The following ST8SIA1 variants were observed in gnomAD, a reference collection of about 807,000 sequenced individuals.
The protein encoded by ST8SIA1 is alpha-N-acetylneuraminide alpha-2,8-sialyltransferase.
Under a neutral mutation model 35.9 loss-of-function variants are expected in ST8SIA1, and 16 were observed. That is an observed-to-expected ratio of 0.45 (90% CI 0.30 to 0.68). The LOEUF (loss-of-function observed/expected upper bound fraction) is 0.68. Among genes scored for constraint, ST8SIA1 ranks in the 30% least tolerant of loss-of-function variants. The pLI is 0.09. For synonymous variants in ST8SIA1, 170 were observed against 169.6 expected (o/e 1.00, Z -0.02); for missense variants, 383 against 453.6 (o/e 0.84, Z 1.41).
intron 4 of ST8SIA1, among the ~76,000 whole-genome samples, chr12:22,219,021 T>G (rs1865266590): frequency 6.6e-6 from 1 of 152,082 alleles, no homozygotes; most frequent in African/African-American, 2.4e-5. Flanking sequence ...ACCAAAATAT[T>G]ATAAAATGTA....
rs1331514437 is a variant in ST8SIA1, at chr12:22,332,881, C to G, written c.236+1116G>C. Among the ~76,000 whole-genome samples, 3 of 152,324 alleles carry G rather than the reference C, an allele frequency of 2.0e-5. No homozygotes were observed. The East Asian group carries it at 5.8e-4, about 29-fold the overall frequency. On this transcript the variant is annotated intron_variant, in intron 1 of 4. Coordinates refer to ENST00000396037, the MANE Select transcript of ST8SIA1 (RefSeq NM_003034.4). ...CCCTTGCACTGATTAGAAAGATCCTCTACAGAGCAGAGGAGATCATTTCCA... is the reference window on the plus strand; with the variant it reads ...CCCTTGCACTGATTAGAAAGATCCTGTACAGAGCAGAGGAGATCATTTCCA...
In ST8SIA1 at chr12:22,196,053, G is replaced by GA. The variant is rs934433914; in HGVS notation, c.*5498dup. ...TGATTATATCCCACAGCTTCAACAA[G>GA]AAAAAAATTACCTGAAAGAATTTTA... is the stretch of plus-strand genomic sequence containing the variant. On this transcript the variant is annotated 3_prime_UTR_variant, in exon 5 of 5. Transcript: ENST00000396037. 5.9e-5 allele frequency: 9 copies of GA among 151,944 alleles called. No individual in the cohort carries two copies. The East Asian group carries it at 1.4e-3, about 23-fold the overall frequency. The allele number at this position is 151,944 out of a possible 1,614,324, so 9.4% of individuals were successfully genotyped here.
intron 1 of ST8SIA1, among the ~76,000 whole-genome samples, chr12:22,298,600 A>C (rs943520456): frequency 6.6e-6 from 1 of 152,216 alleles, no homozygotes; most frequent in Non-Finnish European, 1.5e-5. Context: ...TGAGGAAGTA[A>C]GCTATTTATA....
intron 2 of ST8SIA1, among the ~76,000 whole-genome samples, chr12:22,281,370 T>A (rs1051264931): frequency 6.6e-6 from 1 of 152,150 alleles, no homozygotes; most frequent in African/African-American, 2.4e-5. Context: ...AGGCCAGGCT[T>A]AGGATCCAGA....
intron 4 of ST8SIA1, among the ~76,000 whole-genome samples, chr12:22,221,381 AAGAGGTTG>A (rs1229274770): frequency 6.6e-6 from 1 of 152,272 alleles, no homozygotes; most frequent in Admixed American, 6.5e-5. Context: ...TGTATGATTA[AAGAGGTTG>A]AGATGCAAAA....
At chr12:22,240,062 T>C (rs1295774907) in intron 4 of ST8SIA1, among the ~76,000 whole-genome samples, 1 of 152,180 alleles carries the variant, frequency 6.6e-6, no homozygotes, top group African/African-American at 2.4e-5. Context: ...ATATGTTTTA[T>C]CCAAGAACAA....
chr12:22,215,452 G>C (rs1865224566), intron 4 of ST8SIA1, among the ~76,000 whole-genome samples: 1 of 152,160 alleles, frequency 6.6e-6, no homozygotes, highest in East Asian at 1.9e-4. Flanking sequence ...GAGACAACCA[G>C]TAAACCAAAA....
chr12:22,222,271 CGTT>C (rs1313582141), intron 4 of ST8SIA1, among the ~76,000 whole-genome samples: 1 of 152,130 alleles, frequency 6.6e-6, no homozygotes, highest in Non-Finnish European at 1.5e-5. Context: ...CCAAGGGAAT[CGTT>C]GTGCTAGATC....
At chr12:22,266,689 C>T (rs1865852447) in intron 2 of ST8SIA1, among the ~76,000 whole-genome samples, 1 of 151,828 alleles carries the variant, frequency 6.6e-6, no homozygotes. Flanking sequence ...CCCAGCTACT[C>T]GGGAGGCTGA....
rs1413799565 is a variant in ST8SIA1 at position 22,304,168 on chromosome 12, C to CG, written c.237-16876dup. Among the ~76,000 whole-genome samples, 3 of 151,872 alleles carry CG rather than the reference C, an allele frequency of 2.0e-5. No individual in the cohort carries two copies. The East Asian group carries it at 5.8e-4, about 29-fold the overall frequency. On this transcript the variant is annotated intron_variant, in intron 1 of 4. Coordinates refer to ENST00000396037, the MANE Select transcript of ST8SIA1 (RefSeq NM_003034.4). The stretch of plus-strand genomic sequence containing the variant: ...ACAGCAATTTGTTCCAGCTGAACTA[C>CG]GGTCATAAGATTTAAAAAGATTTTT...
chr12:22,322,509 T>TA (rs1408711076), intron 1 of ST8SIA1, among the ~76,000 whole-genome samples: 1 of 152,256 alleles, frequency 6.6e-6, no homozygotes, highest in Non-Finnish European at 1.5e-5. Flanking sequence ...GACAGCTGTC[T>TA]ACCAGCCTTT....
intron 2 of ST8SIA1, chr12:22,286,662 A>G (rs1447307534): frequency 2.3e-6 from 1 of 431,822 alleles, no homozygotes; most frequent in Admixed American, 2.8e-5. Context: ...AAAAGTGGTC[A>G]AGTTGAATTA....
At chr12:22,256,477 TC>T (rs1400624898) in intron 2 of ST8SIA1, among the ~76,000 whole-genome samples, 1 of 152,178 alleles carries the variant, frequency 6.6e-6, no homozygotes, top group Admixed American at 6.5e-5. Flanking sequence ...GAAAGACCTT[TC>T]ATATACACAA....
At chr12:22,282,892 T>C (rs1017535110) in intron 2 of ST8SIA1, among the ~76,000 whole-genome samples, 3 of 152,142 alleles carry the variant, frequency 2.0e-5, no homozygotes, top group Non-Finnish European at 4.4e-5. Context: ...CTGTAGATTA[T>C]GTAGTATAGT....
chr12:22,312,200 C>T (rs993521605), intron 1 of ST8SIA1, among the ~76,000 whole-genome samples: 4 of 152,112 alleles, frequency 2.6e-5, no homozygotes, highest in African/African-American at 7.2e-5. Flanking sequence ...GCTCTTTCTC[C>T]TGGATCACCT....
At chr12:22,319,357 T>C (rs768041813) in intron 1 of ST8SIA1, among the ~76,000 whole-genome samples, 1 of 152,256 alleles carries the variant, frequency 6.6e-6, no homozygotes, top group Non-Finnish European at 1.5e-5. Context: ...TAAATGTTCA[T>C]TAAATCTGAA....
intron 3 of ST8SIA1, among the ~76,000 whole-genome samples, chr12:22,252,382 G>T (rs1264299551): frequency 2.0e-5 from 3 of 152,088 alleles, no homozygotes; most frequent in Non-Finnish European, 4.4e-5. Context: ...CATTAAGCAT[G>T]CCCCAAAATG....
At chr12:22,227,877 A>G (rs1865376301) in intron 4 of ST8SIA1, among the ~76,000 whole-genome samples, 1 of 152,200 alleles carries the variant, frequency 6.6e-6, no homozygotes, top group African/African-American at 2.4e-5. Flanking sequence ...AACTGAGGGA[A>G]GATCTTCTAC....
intron 4 of ST8SIA1, among the ~76,000 whole-genome samples, chr12:22,212,708 A>G (rs1302368247): frequency 6.6e-6 from 1 of 152,172 alleles, no homozygotes; most frequent in Non-Finnish European, 1.5e-5. Flanking sequence ...CTATAGGAAG[A>G]ATTTAGCTTA....
Sources: allele counts gnomAD v4.1 joint callset (sites outside exome capture counted in the v4.1 genomes callset), GRCh38; gene constraint gnomAD v4.1.1; transcripts MANE v1.5; gene names NCBI Gene and HGNC (gene_info 2026-07-23, HGNC 2026-07-21).